Variants in EPB41L2 observed in about 807,000 individuals in gnomAD.
EPB41L2 encodes the protein band 4.1-like protein 2.
A neutral mutation model predicts 113.0 loss-of-function variants in EPB41L2; 43 were observed. The observed-to-expected ratio is 0.38, with a 90% confidence interval of 0.30 to 0.49. EPB41L2 has a LOEUF of 0.49. EPB41L2 is among the 20% of genes least tolerant of loss of function. EPB41L2 has a pLI of 0.95. For synonymous variants in EPB41L2, 442 were observed against 436.7 expected, an observed-to-expected ratio of 1.01 and a Z score of -0.15; for missense variants, 1,147 against 1,223.4, an observed-to-expected ratio of 0.94 and a Z score of 0.93.
chr6:130,943,210 C>A (rs182534759), intron 3 of EPB41L2, among the ~76,000 whole-genome samples: 104 of 152,300 alleles, frequency 6.8e-4, no homozygotes, highest in African/African-American at 2.4e-3. Flanking sequence ...CATGCTCCCA[C>A]CAACAGTGTA....
chr6:131,022,412 T>C (rs1789719022), intron 1 of EPB41L2, among the ~76,000 whole-genome samples: 1 of 152,182 alleles, frequency 6.6e-6, no homozygotes, highest in Admixed American at 6.5e-5. Flanking sequence ...CTATCTCCTA[T>C]ATATAGATAA....
intron 1 of EPB41L2, among the ~76,000 whole-genome samples, chr6:131,061,243 C>T (rs1798595333): frequency 6.6e-6 from 1 of 152,274 alleles, no homozygotes; most frequent in Non-Finnish European, 1.5e-5. Flanking sequence ...GCACACAAGA[C>T]CACTACTGAC....
intron 3 of EPB41L2, among the ~76,000 whole-genome samples, chr6:130,947,017 A>ACCCCCCC (rs58960778): frequency 8.9e-6 from 1 of 112,028 alleles, no homozygotes; most frequent in Non-Finnish European, 1.8e-5. Flanking sequence ...AATAAAGAAG[A>ACCCCCCC]CCCCCCCCCC....
At chr6:130,904,380 C>T in intron 6 of EPB41L2, 85 bp downstream of exon 6, 2 of 896,308 alleles carry the variant, frequency 2.2e-6, no homozygotes, top group Non-Finnish European at 3.3e-6. Flanking sequence ...GTTTTCAATC[C>T]TGAAATTACC....
chr6:130,970,507 T>G (rs1405754406), intron 1 of EPB41L2: 1 of 152,198 alleles, frequency 6.6e-6, no homozygotes, highest in Non-Finnish European at 1.5e-5. Flanking sequence ...AAAAGTCAGC[T>G]TCCTGCTGCC....
chr6:130,956,649 A>G (rs1219994770), intron 1 of EPB41L2, 150 bp from the exon 2 acceptor site: 2 of 775,994 alleles, frequency 2.6e-6, no homozygotes, highest in Non-Finnish European at 4.0e-6. Flanking sequence ...AAAGCACAAG[A>G]CAAAATGGAG....
intron 1 of EPB41L2, among the ~76,000 whole-genome samples, chr6:130,988,535 G>A (rs1781096775): frequency 6.6e-6 from 1 of 152,166 alleles, no homozygotes. Context: ...TTAAAGCCAG[G>A]CTTTCCTGAG....
intron 19 of EPB41L2, among the ~76,000 whole-genome samples, chr6:130,847,438 C>T (rs544321830): frequency 2.0e-5 from 3 of 152,142 alleles, no homozygotes; most frequent in East Asian, 1.9e-4. Flanking sequence ...ATAACAGGCT[C>T]ATAATATAGA....
chr6:130,980,300 G>C (rs1405698103), intron 1 of EPB41L2, among the ~76,000 whole-genome samples: 1 of 152,158 alleles, frequency 6.6e-6, no homozygotes, highest in African/African-American at 2.4e-5. Context: ...ATTCAGGGGA[G>C]ATGTATGTTT....
chr6:130,918,791 G>A (rs1273514282), intron 4 of EPB41L2, among the ~76,000 whole-genome samples: 1 of 152,050 alleles, frequency 6.6e-6, no homozygotes, highest in Non-Finnish European at 1.5e-5. Flanking sequence ...TTTCCCATAA[G>A]TACAGATAAT....
At chr6:130,900,810 G>A (rs1479847189) in intron 7 of EPB41L2, 152 bp downstream of exon 7, 1 of 739,292 alleles carries the variant, frequency 1.4e-6, no homozygotes, top group East Asian at 2.5e-5. Flanking sequence ...GATACCTCAA[G>A]GGCTCCACGT....
chr6:131,047,322 AGAC>A (rs1795659255), intron 1 of EPB41L2, among the ~76,000 whole-genome samples: 1 of 152,138 alleles, frequency 6.6e-6, no homozygotes, highest in African/African-American at 2.4e-5. Flanking sequence ...ACTCCGGCCC[AGAC>A]AACACAGCAA....
chr6:130,965,994 C>G (rs1775046671), intron 1 of EPB41L2, among the ~76,000 whole-genome samples: 1 of 151,220 alleles, frequency 6.6e-6, no homozygotes, highest in African/African-American at 2.4e-5. Flanking sequence ...TCTTGGGCCA[C>G]ACATAAAATA....
chr6:130,894,534 C>A, intron 9 of EPB41L2, 93 bp from the exon 10 acceptor site: 1 of 1,109,608 alleles, frequency 9.0e-7, no homozygotes, highest in Non-Finnish European at 1.4e-6. Context: ...CTGTGAGAAG[C>A]AATTATTCTT....
intron 3 of EPB41L2, among the ~76,000 whole-genome samples, chr6:130,928,192 G>C (rs140940368): frequency 6.6e-6 from 1 of 152,248 alleles, no homozygotes; most frequent in South Asian, 2.1e-4. Context: ...TTAAATTACT[G>C]AGCATGTTTA....
intron 1 of EPB41L2, among the ~76,000 whole-genome samples, chr6:131,037,155 T>C (rs1340739789): frequency 6.6e-6 from 1 of 152,244 alleles, no homozygotes; most frequent in Non-Finnish European, 1.5e-5. Flanking sequence ...TGAACTTTAT[T>C]ACAACTTTCA....
Position 130,867,504 on chromosome 6 carries a change from G to A in EPB41L2, c.2685C>T (p.Pro895=), listed in dbSNP as rs1242863482. 12 of 1,613,994 alleles carry A rather than the reference G, an allele frequency of 7.4e-6. No individual in the cohort carries two copies. Among genetic ancestry groups the A allele is most frequent in the South Asian group, 1.1e-5 (1 of 91,074 alleles). Reference sequence around the variant, plus strand: ...TGGTTTTGGTCTCAGTTTGGACAATGGGGACTTCCTTGGTGGAGATTTCTG... The same window carrying A: ...TGGTTTTGGTCTCAGTTTGGACAATAGGGACTTCCTTGGTGGAGATTTCTG... The part of the protein sequence containing the change: ...QRTEISTKEV[P]IVQTETKTIT... Residue 895 remains proline, a synonymous_variant, in exon 16 of 20, where the codon CCC becomes CCT. Coordinates refer to ENST00000337057, the MANE Select transcript of EPB41L2 (RefSeq NM_001431.4).
chr6:130,980,150 C>A (rs1410713703), intron 1 of EPB41L2, among the ~76,000 whole-genome samples: 1 of 152,062 alleles, frequency 6.6e-6, no homozygotes, highest in Non-Finnish European at 1.5e-5. Flanking sequence ...CCTCAAAGAG[C>A]AAGTTCAGTG....
chr6:130,848,372 T>C (rs1448123814), intron 19 of EPB41L2, among the ~76,000 whole-genome samples: 2 of 152,114 alleles, frequency 1.3e-5, no homozygotes, highest in African/African-American at 4.8e-5. Flanking sequence ...CATATGTAAA[T>C]TTTCTAGAAG....
Sources: allele counts gnomAD v4.1 joint callset (sites outside exome capture counted in the v4.1 genomes callset), GRCh38; gene constraint gnomAD v4.1.1; transcripts MANE v1.5; gene names NCBI Gene and HGNC (gene_info 2026-07-23, HGNC 2026-07-21).